CDH18: variants seen among roughly 807,000 people sequenced by gnomAD.
CDH18 encodes the protein cadherin 18, also known as cadherin-18.
In CDH18, 31 loss-of-function variants were observed where a neutral mutation model predicts 67.9. The ratio of observed to expected loss-of-function variants is 0.46; its 90% CI spans 0.34 to 0.62. The LOEUF (loss-of-function observed/expected upper bound fraction) is 0.62. Ranked by LOEUF, CDH18 falls within the 20% of genes least tolerant of loss-of-function variation. CDH18 has a pLI of 0.01. For missense variants in CDH18, 890 were observed against 975.5 expected (o/e 0.91, Z 1.17); for synonymous variants, 362 against 347.2 (o/e 1.04, Z -0.48).
At position 20,403,035 on chromosome 5, in the gene CDH18, T is replaced by A. The variant is rs1375676136; in HGVS notation, c.-579-147530A>T. On this transcript the variant is annotated intron_variant, in intron 1 of 14. Transcript: ENST00000507958. The stretch of plus-strand genomic sequence containing the variant: ...ACTAAAAATACAAAAAAAAAAAAAA[T>A]AGCGAGGTGTGGTGGCACACACTTG... Among the ~76,000 whole-genome samples the A allele has an allele frequency of 3.7e-3, 416 of 112,494 alleles. 4 individuals are homozygous for A. The highest frequency in any genetic ancestry group is 0.013 in the African/African-American group (380 of 28,366). 73.8% of individuals were successfully genotyped at this position (112,494 alleles called of 152,430 possible).
chr5:19,709,014 A>C (rs1580992070), intron 5 of CDH18, among the ~76,000 whole-genome samples: 1 of 125,074 alleles, frequency 8.0e-6, no homozygotes, highest in East Asian at 2.4e-4. Flanking sequence ...TTAAATAAAT[A>C]AATAAATAAA....
intron 1 of CDH18, among the ~76,000 whole-genome samples, chr5:20,569,617 CACAACAACA>C (rs574647590): frequency 6.6e-6 from 1 of 151,832 alleles, no homozygotes. Flanking sequence ...TCTCAAAAAC[CACAACAACA>C]ACAACAACAA....
intron 1 of CDH18, among the ~76,000 whole-genome samples, chr5:20,280,233 A>T (rs1746144549): frequency 6.6e-6 from 1 of 150,414 alleles, no homozygotes; most frequent in Non-Finnish European, 1.5e-5. Flanking sequence ...TTATACTTTA[A>T]GTTTTAGGGT....
At chr5:20,040,046 A>G (rs992167198) in intron 2 of CDH18, among the ~76,000 whole-genome samples, 4 of 152,178 alleles carry the variant, frequency 2.6e-5, no homozygotes, top group African/African-American at 9.6e-5. Context: ...AAAGCATATG[A>G]ACAGACACTT....
intron 1 of CDH18, among the ~76,000 whole-genome samples, chr5:20,545,852 C>T (rs1360760180): frequency 6.6e-6 from 1 of 152,134 alleles, no homozygotes; most frequent in Non-Finnish European, 1.5e-5. Flanking sequence ...TGGGTTTTTC[C>T]TTTCTACCCC....
intron 3 of CDH18, among the ~76,000 whole-genome samples, chr5:19,751,973 C>T (rs754426414): frequency 1.3e-5 from 2 of 152,054 alleles, no homozygotes; most frequent in Non-Finnish European, 1.5e-5. Context: ...GCAGATTGCT[C>T]CTGCAGGGCC....
chr5:19,773,128 T>C (rs1321715990), intron 3 of CDH18, among the ~76,000 whole-genome samples: 1 of 152,154 alleles, frequency 6.6e-6, no homozygotes, highest in Non-Finnish European at 1.5e-5. Context: ...TGTTTCATAT[T>C]TTAGCAGCTA....
At chr5:20,328,679 G>A (rs1738858229) in intron 1 of CDH18, among the ~76,000 whole-genome samples, 1 of 152,096 alleles carries the variant, frequency 6.6e-6, no homozygotes, top group South Asian at 2.1e-4. Flanking sequence ...ACTCCATTGA[G>A]ACCTGCCTCA....
rs1470291845 is a variant in CDH18, at chr5:20,460,614, A to ATTTC, written c.-580+114847_-580+114848insGAAA. Among the ~76,000 whole-genome samples the ATTTC allele has an allele frequency of 8.0e-3, 1,220 of 152,124 alleles. 16 individuals carry two copies. The highest frequency in any genetic ancestry group is 0.028 in the African/African-American group (1,164 of 41,500). On this transcript the variant is annotated intron_variant, in intron 1 of 14. Coordinates refer to the CDH18 transcript ENST00000507958. ...TGCTTATAGTCAGATTTCATCTTTG[A>ATTTC]ACAGTGAAACCTACATTTGAGATTT...
Position 20,495,681 on chromosome 5 carries a change from G to A in CDH18, c.-580+79781C>T, listed in dbSNP as rs188300544. Among the ~76,000 whole-genome samples, 732 of 152,192 alleles carry A rather than the reference G, an allele frequency of 4.8e-3. 5 individuals are homozygous for A. The highest frequency in any genetic ancestry group is 9.2e-3 in the Admixed American group (140 of 15,262). On this transcript the variant is annotated intron_variant, in intron 1 of 14. Coordinates refer to the CDH18 transcript ENST00000507958. ...GAGTTTATACTAATAGTTGACCATA[G>A]TGATCACAAAGATACTGTTGGCATA...
At chr5:20,074,508 A>G (rs929976384) in intron 2 of CDH18, among the ~76,000 whole-genome samples, 1 of 152,306 alleles carries the variant, frequency 6.6e-6, no homozygotes, top group Admixed American at 6.5e-5. Context: ...GTAACATTCC[A>G]AATTAACAGA....
Position 20,555,408 on chromosome 5 carries a change from CTTTTTTTTTTTTTTTTTTTTT to C in CDH18, c.-580+20033_-580+20053del, listed in dbSNP as rs774396694. ...GCCAGAACCACCAAGACAAGCTTTT[CTTTTTTTTTTTTTTTTTTTTT>C]TTTTTTTTTTTTTTTTTTTTTCTTT... On this transcript the variant is annotated intron_variant, in intron 1 of 14. Coordinates refer to the CDH18 transcript ENST00000507958. Among the ~76,000 whole-genome samples, 253 of 103,646 alleles carry C rather than the reference CTTTTTTTTTTTTTTTTTTTTT, an allele frequency of 2.4e-3. 1 individual carries two copies. Among genetic ancestry groups the C allele is most frequent in the African/African-American group, 9.3e-3 (227 of 24,356 alleles). 68.0% of individuals were successfully genotyped at this position (103,646 alleles called of 152,430 possible).
intron 2 of CDH18, among the ~76,000 whole-genome samples, chr5:20,229,681 C>T (rs1435074178): frequency 5.3e-5 from 8 of 151,816 alleles, no homozygotes; most frequent in Non-Finnish European, 1.2e-4. Context: ...TTAATTAAAA[C>T]ATTTTGTTCT....
chr5:20,450,884 A>C (rs1263973222), intron 1 of CDH18, among the ~76,000 whole-genome samples: 1 of 152,132 alleles, frequency 6.6e-6, no homozygotes, highest in Non-Finnish European at 1.5e-5. Flanking sequence ...GTGGAAGGTA[A>C]ATGCCGAGCA....
intron 2 of CDH18, among the ~76,000 whole-genome samples, chr5:20,157,327 T>A (rs975398610): frequency 5.3e-5 from 8 of 152,214 alleles, no homozygotes; most frequent in Non-Finnish European, 1.2e-4. Context: ...TTGAAGAATG[T>A]AAACAATGTT....
In CDH18 at chr5:20,144,241, G is replaced by C. The variant is rs571211837; in HGVS notation, c.-518+111203C>G. Among the ~76,000 whole-genome samples, 231 of 152,200 alleles carry C rather than the reference G, an allele frequency of 1.5e-3. 6 individuals are homozygous for C. The highest frequency in any genetic ancestry group is 5.1e-4 in the Non-Finnish European group (35 of 68,000). On this transcript the variant is annotated intron_variant, in intron 2 of 14. Transcript: ENST00000507958. ...GGCTACCTCTCTAGGAGGCATCTCG[G>C]GGGTAGGGAGTATAGTCCAGATCCG...
At chr5:19,981,925 C>G (rs1418433848) in intron 1 of CDH18, among the ~76,000 whole-genome samples, 3 of 152,120 alleles carry the variant, frequency 2.0e-5, no homozygotes, top group African/African-American at 7.2e-5. Context: ...CATTTTTTCT[C>G]TTTAACAATT....
intron 2 of CDH18, among the ~76,000 whole-genome samples, chr5:20,083,482 C>T (rs947898108): frequency 6.6e-6 from 1 of 152,082 alleles, no homozygotes; most frequent in Non-Finnish European, 1.5e-5. Flanking sequence ...GTAGCATGTG[C>T]TCATATAATA....
chr5:19,539,279 CATAG>C (rs1332072217), intron 9 of CDH18, among the ~76,000 whole-genome samples: 1 of 152,046 alleles, frequency 6.6e-6, no homozygotes, highest in Non-Finnish European at 1.5e-5. Context: ...TGCTTTACTT[CATAG>C]ATATAGATTA....
Sources: gnomAD v4.1 joint callset for allele counts (sites outside exome capture counted in the v4.1 genomes callset) on GRCh38, gnomAD v4.1.1 for gene constraint, MANE v1.5 for transcripts, NCBI Gene and HGNC (gene_info 2026-07-23, HGNC 2026-07-21) for gene names.